Variants in KCNIP4 observed in about 807,000 individuals in gnomAD.
KCNIP4 encodes Kv channel-interacting protein 4.
KCNIP4 carries 12 observed loss-of-function variants against 34.0 expected under a neutral mutation model. The ratio of observed to expected loss-of-function variants is 0.35; its 90% CI spans 0.23 to 0.57. KCNIP4 has a LOEUF of 0.57. Ranked by LOEUF, KCNIP4 falls within the 20% of genes least tolerant of loss-of-function variation. The pLI is 0.83. For synonymous variants in KCNIP4, 124 were observed against 102.2 expected, an observed-to-expected ratio of 1.21 and a Z score of -1.29; for missense variants, 238 against 311.7, an observed-to-expected ratio of 0.76 and a Z score of 1.78.
At chr4:21,791,955 T>C (rs1000157037) in intron 1 of KCNIP4, among the ~76,000 whole-genome samples, 3 of 124,816 alleles carry the variant, frequency 2.4e-5, no homozygotes, top group Non-Finnish European at 4.7e-5. Context: ...TGAGCCGAGA[T>C]TGCACCGCTG....
At chr4:20,780,917 A>G (rs1468057637) in intron 3 of KCNIP4, among the ~76,000 whole-genome samples, 1 of 152,190 alleles carries the variant, frequency 6.6e-6, no homozygotes, top group Non-Finnish European at 1.5e-5. Context: ...TTATACCAGA[A>G]TAGTATTATT....
At chr4:21,525,970 A>G (rs1735939414) in intron 1 of KCNIP4, among the ~76,000 whole-genome samples, 1 of 151,472 alleles carries the variant, frequency 6.6e-6, no homozygotes, top group Non-Finnish European at 1.5e-5. Flanking sequence ...TTTTCTTATT[A>G]CTAAATCAAA....
intron 1 of KCNIP4, among the ~76,000 whole-genome samples, chr4:21,340,127 A>G (rs1441000303): frequency 2.0e-5 from 3 of 152,168 alleles, no homozygotes; most frequent in Non-Finnish European, 4.4e-5. Context: ...ATGAAAAGGC[A>G]ATGTTAATCA....
intron 1 of KCNIP4, among the ~76,000 whole-genome samples, chr4:21,823,869 C>A (rs574899952): frequency 3.3e-5 from 5 of 152,160 alleles, no homozygotes; most frequent in African/African-American, 1.2e-4. Flanking sequence ...TGTATAAACA[C>A]CCCTCTACAA....
chr4:21,428,639 A>G (rs889933758), intron 1 of KCNIP4, among the ~76,000 whole-genome samples: 2 of 152,110 alleles, frequency 1.3e-5, no homozygotes, highest in African/African-American at 2.4e-5. Context: ...TAACATCCAG[A>G]TTTCATTTAT....
chr4:21,347,876 G>GA (rs1328582034), intron 1 of KCNIP4, among the ~76,000 whole-genome samples: 11 of 151,838 alleles, frequency 7.2e-5, no homozygotes, highest in Non-Finnish European at 2.9e-5. Context: ...GAGAAATTAA[G>GA]AAAAAAAATC....
chr4:20,972,647 G>GT (rs1193663469), intron 1 of KCNIP4, among the ~76,000 whole-genome samples: 6 of 152,128 alleles, frequency 3.9e-5, no homozygotes, highest in African/African-American at 7.2e-5. Flanking sequence ...ATTTAGTATA[G>GT]TTTTTTTTAA....
chr4:20,775,248 T>G (rs554035802), intron 3 of KCNIP4, among the ~76,000 whole-genome samples: 23 of 152,302 alleles, frequency 1.5e-4, no homozygotes, highest in African/African-American at 5.5e-4. Flanking sequence ...TAAAATCTTG[T>G]GCTCCTATCT....
intron 1 of KCNIP4, among the ~76,000 whole-genome samples, chr4:21,474,867 A>G (rs562203221): frequency 1.3e-4 from 20 of 151,748 alleles, no homozygotes; most frequent in East Asian, 7.8e-4. Flanking sequence ...CAGGCATGGT[A>G]GCAGGCGCCT....
At chr4:21,346,747 A>G (rs1256604058) in intron 1 of KCNIP4, among the ~76,000 whole-genome samples, 2 of 152,128 alleles carry the variant, frequency 1.3e-5, no homozygotes, top group Non-Finnish European at 2.9e-5. Context: ...CCTTTCTAAA[A>G]AGCTCCCAGG....
chr4:21,375,530 T>C (rs1238031525), intron 1 of KCNIP4, among the ~76,000 whole-genome samples: 1 of 151,776 alleles, frequency 6.6e-6, no homozygotes, highest in Non-Finnish European at 1.5e-5. Flanking sequence ...GCACAACAAA[T>C]AATTACAATT....
At chr4:21,062,760 T>C (rs769497193) in intron 1 of KCNIP4, among the ~76,000 whole-genome samples, 47 of 152,214 alleles carry the variant, frequency 3.1e-4, no homozygotes, top group Middle Eastern at 3.4e-3. Context: ...AGAGCTGATG[T>C]TTCAGTTTGA....
intron 1 of KCNIP4, among the ~76,000 whole-genome samples, chr4:21,240,610 G>A (rs1229663713): frequency 6.6e-6 from 1 of 152,042 alleles, no homozygotes; most frequent in Non-Finnish European, 1.5e-5. Flanking sequence ...TTTGAGTCCT[G>A]TTGATTTTTC....
chr4:21,234,773 G>C (rs1428347393), intron 1 of KCNIP4, among the ~76,000 whole-genome samples: 7 of 151,380 alleles, frequency 4.6e-5, no homozygotes, highest in Non-Finnish European at 1.0e-4. Flanking sequence ...TCAGCCTCCT[G>C]AGTAGCTGAG....
At chr4:21,817,148 G>A (rs1722036494) in intron 1 of KCNIP4, among the ~76,000 whole-genome samples, 1 of 152,064 alleles carries the variant, frequency 6.6e-6, no homozygotes, top group Non-Finnish European at 1.5e-5. Flanking sequence ...TCAAGACCCA[G>A]AACTGTTGCC....
At chr4:21,837,186 GGA>G (rs1224349300) in intron 1 of KCNIP4, among the ~76,000 whole-genome samples, 2 of 154 alleles carry the variant, frequency 0.013, no homozygotes, top group African/African-American at 0.019. Flanking sequence ...CAAAGTGCTG[GGA>G]ATTACAGGCG....
intron 3 of KCNIP4, among the ~76,000 whole-genome samples, chr4:20,760,452 C>A (rs980594428): frequency 5.3e-5 from 8 of 152,258 alleles, no homozygotes; most frequent in African/African-American, 1.9e-4. Flanking sequence ...TTTCTTTATT[C>A]CAGTGAGTCA....
intron 1 of KCNIP4, among the ~76,000 whole-genome samples, chr4:21,555,127 A>G (rs550635062): frequency 2.0e-5 from 3 of 152,268 alleles, no homozygotes; most frequent in African/African-American, 7.2e-5. Flanking sequence ...AAATGCCTCA[A>G]GAAGCGAAAT....
intron 1 of KCNIP4, among the ~76,000 whole-genome samples, chr4:21,445,052 G>A (rs1024855546): frequency 6.6e-6 from 1 of 152,094 alleles, no homozygotes; most frequent in Non-Finnish European, 1.5e-5. Context: ...AAATACCTAG[G>A]AATCCAACTT....
Sources: gnomAD v4.1 joint callset for allele counts (sites outside exome capture counted in the v4.1 genomes callset) on GRCh38, gnomAD v4.1.1 for gene constraint, MANE v1.5 for transcripts, NCBI Gene and HGNC (gene_info 2026-07-23, HGNC 2026-07-21) for gene names.